The following NRXN3 variants were observed in gnomAD, a reference collection of about 807,000 sequenced individuals.
NRXN3 encodes neurexin 3.
In NRXN3, 32 loss-of-function variants were observed where a neutral mutation model predicts 137.6. That is an observed-to-expected ratio of 0.23 (90% CI 0.18 to 0.31). NRXN3 has a LOEUF of 0.31. NRXN3 is among the 10% of genes least tolerant of loss of function. The pLI is 1.00. For missense variants in NRXN3, 1,574 were observed against 2,062.5 expected (o/e 0.76, Z 4.59); for synonymous variants, 798 against 784.5 (o/e 1.02, Z -0.29).
At chr14:79,600,980 A>G (rs890817365) in intron 16 of NRXN3, among the ~76,000 whole-genome samples, 2 of 149,504 alleles carry the variant, frequency 1.3e-5, no homozygotes, top group African/African-American at 4.9e-5. Flanking sequence ...GTCTATTTCT[A>G]TCTGTGTTCT....
intron 8 of NRXN3, among the ~76,000 whole-genome samples, chr14:78,736,345 A>G (rs1338694620): frequency 6.6e-6 from 1 of 152,206 alleles, no homozygotes; most frequent in East Asian, 1.9e-4. Flanking sequence ...TAATAGCTAC[A>G]TCATCGAAGT....
chr14:78,398,590 A>G (rs767948948), intron 4 of NRXN3, among the ~76,000 whole-genome samples: 22 of 152,070 alleles, frequency 1.4e-4, no homozygotes, highest in Non-Finnish European at 2.8e-4. Context: ...ATACCTCCCT[A>G]TCTAAGAGTG....
chr14:78,468,116 A>G (rs2095167164), intron 4 of NRXN3, among the ~76,000 whole-genome samples: 1 of 151,828 alleles, frequency 6.6e-6, no homozygotes, highest in Admixed American at 6.6e-5. Context: ...TAGAGGTGGG[A>G]TTTCACCAAG....
At chr14:78,953,721 TG>T in intron 10 of NRXN3, among the ~76,000 whole-genome samples, 1 of 152,226 alleles carries the variant, frequency 6.6e-6, no homozygotes, top group East Asian at 1.9e-4. Flanking sequence ...GATCCAGCAG[TG>T]ATAGTTTAAG....
In NRXN3 at chr14:79,833,832, A is replaced by T. The variant is rs184263309; in HGVS notation, c.4094-27510A>T. On this transcript the variant is annotated intron_variant, in intron 20 of 20. Coordinates refer to ENST00000335750, the MANE Select transcript of NRXN3 (RefSeq NM_001330195.2). ...GTAGCTCAGCCATATAGCTAAATTG[A>T]ATAATTATGCAAATGCTGCACAATA... Among the ~76,000 whole-genome samples, 41 of 152,294 alleles carry T rather than the reference A, an allele frequency of 2.7e-4. No homozygotes were observed. The East Asian group carries it at 7.0e-3, about 26-fold the overall frequency.
chr14:78,205,452 C>G (rs1367930680), intron 1 of NRXN3, among the ~76,000 whole-genome samples: 1 of 152,238 alleles, frequency 6.6e-6, no homozygotes, highest in East Asian at 1.9e-4. Flanking sequence ...GAAGTACTTA[C>G]ACTTTGCTTG....
intron 20 of NRXN3, among the ~76,000 whole-genome samples, chr14:79,830,565 G>T (rs1166079707): frequency 1.3e-5 from 2 of 152,156 alleles, no homozygotes; most frequent in African/African-American, 4.8e-5. Context: ...ATTAGGGGTT[G>T]CCTATAGGCC....
At chr14:79,636,061 T>C (rs1425833244) in intron 16 of NRXN3, among the ~76,000 whole-genome samples, 1 of 152,194 alleles carries the variant, frequency 6.6e-6, no homozygotes, top group East Asian at 1.9e-4. Flanking sequence ...ACCACATCAC[T>C]GTCTGTCTTC....
chr14:79,389,142 T>C (rs1227974335), intron 15 of NRXN3, among the ~76,000 whole-genome samples: 1 of 152,228 alleles, frequency 6.6e-6, no homozygotes, highest in Non-Finnish European at 1.5e-5. Flanking sequence ...TCGTAAGTTG[T>C]GTCTTCCTTG....
At chr14:79,327,387 A>G (rs1278614609) in intron 15 of NRXN3, among the ~76,000 whole-genome samples, 1 of 152,118 alleles carries the variant, frequency 6.6e-6, no homozygotes, top group Non-Finnish European at 1.5e-5. Flanking sequence ...ACTTACTGAC[A>G]CCCTAGCTCC....
chr14:79,401,948 G>T (rs1274674424), intron 15 of NRXN3, among the ~76,000 whole-genome samples: 6 of 151,378 alleles, frequency 4.0e-5, no homozygotes, highest in African/African-American at 1.5e-4. Flanking sequence ...ACAGGGTCTT[G>T]CTCTGTCACC....
At chr14:79,492,529 C>T (rs528010073) in intron 16 of NRXN3, among the ~76,000 whole-genome samples, 8 of 152,092 alleles carry the variant, frequency 5.3e-5, no homozygotes, top group South Asian at 4.2e-4. Flanking sequence ...ATTACAGGCA[C>T]GTGCTACCAT....
intron 4 of NRXN3, among the ~76,000 whole-genome samples, chr14:78,320,099 C>G (rs942301643): frequency 1.3e-5 from 2 of 152,146 alleles, no homozygotes; most frequent in African/African-American, 4.8e-5. Flanking sequence ...TACCTGGTGT[C>G]TTCAGGGATG....
At chr14:78,564,842 C>T (rs971563766) in intron 4 of NRXN3, among the ~76,000 whole-genome samples, 1 of 152,104 alleles carries the variant, frequency 6.6e-6, no homozygotes, top group Non-Finnish European at 1.5e-5. Flanking sequence ...ATATTTAGAA[C>T]CCTTCCACTA....
intron 4 of NRXN3, among the ~76,000 whole-genome samples, chr14:78,512,452 C>T (rs1008336724): frequency 6.6e-6 from 1 of 152,132 alleles, no homozygotes; most frequent in Admixed American, 6.6e-5. Context: ...CATCACATGG[C>T]CCCACCTAAC....
intron 8 of NRXN3, among the ~76,000 whole-genome samples, chr14:78,768,822 C>T (rs2098717447): frequency 6.6e-6 from 1 of 152,134 alleles, no homozygotes; most frequent in African/African-American, 2.4e-5. Flanking sequence ...AATTAGTTTC[C>T]ATGCTGTCTC....
intron 4 of NRXN3, among the ~76,000 whole-genome samples, chr14:78,517,617 G>A (rs145317162): frequency 3.9e-5 from 6 of 152,208 alleles, no homozygotes; most frequent in Non-Finnish European, 7.4e-5. Context: ...TGCCAGACAG[G>A]CTGCTGTTTC....
At chr14:79,001,525 G>A (rs2099541372) in intron 15 of NRXN3, among the ~76,000 whole-genome samples, 1 of 152,144 alleles carries the variant, frequency 6.6e-6, no homozygotes, top group Admixed American at 6.6e-5. Flanking sequence ...TATGCTCCAT[G>A]CCCTTGCAGC....
intron 20 of NRXN3, among the ~76,000 whole-genome samples, chr14:79,839,409 G>A (rs2099351075): frequency 6.6e-6 from 1 of 152,072 alleles, no homozygotes; most frequent in African/African-American, 2.4e-5. Context: ...TGTGTATAGA[G>A]TCAATGATGA....
Sources: allele counts gnomAD v4.1 joint callset (sites outside exome capture counted in the v4.1 genomes callset), GRCh38; gene constraint gnomAD v4.1.1; transcripts MANE v1.5; gene names NCBI Gene and HGNC (gene_info 2026-07-23, HGNC 2026-07-21).